The following CES2 variants were observed in gnomAD, a reference collection of about 807,000 sequenced individuals.
CES2 encodes the protein cocaine esterase.
In CES2, 42 loss-of-function variants were observed where a neutral mutation model predicts 52.1. The observed-to-expected ratio is 0.81, with a 90% CI of 0.63 to 1.04. The LOEUF (loss-of-function observed/expected upper bound fraction) is 1.04, where lower values mean the gene tolerates loss of function less well. Among genes scored for constraint, CES2 ranks in the 50% least tolerant of loss-of-function variants. CES2 has a pLI of 0.00. For missense variants in CES2, 656 were observed against 724.3 expected, an observed-to-expected ratio of 0.91 and a Z score of 1.08; for synonymous variants, 277 against 289.6, an observed-to-expected ratio of 0.96 and a Z score of 0.44.
chr16:66,940,336 G>C lies in CES2; in HGVS notation c.538G>C (p.Gly180Arg). Residue 180 changes from glycine to arginine, a missense_variant, in exon 4 of 12, where the codon GGT becomes CGT. Physicochemically the swap from Gly to Arg is moderately radical, Grantham distance 125 (BLOSUM62 -2). Coordinates refer to ENST00000317091, the MANE Select transcript of CES2 (RefSeq NM_001365405.1). The stretch of plus-strand genomic sequence containing the variant: ...GGTGGTCATCATCCAGTACCGCCTG[G>C]GTGTCCTGGGCTTCTTCAGGTGAGA... Reference protein sequence around the residue: ...VVVVIIQYRLGVLGFFSTGDK... With the variant: ...VVVVIIQYRLRVLGFFSTGDK... 1 of 1,614,182 alleles carries C rather than the reference G, an allele frequency of 6.2e-7. No individual in the cohort carries two copies. The highest frequency in any genetic ancestry group is 8.5e-7 in the Non-Finnish European group (1 of 1,180,032).
In CES2 at chr16:66,940,624, G is replaced by A. The variant is rs10852434; in HGVS notation, c.745G>A (p.Gly249Arg). Residue 249 changes from glycine to arginine, a missense_variant, in exon 5 of 12, where the codon GGA (glycine) becomes AGA (arginine). Coordinates refer to ENST00000317091, the MANE Select transcript of CES2 (RefSeq NM_001365405.1). The stretch of plus-strand genomic sequence containing the variant: ...CCCCATATCCCAAGGACTCTTCCAC[G>A]GAGCCATCATGGAGAGTGGCGTGGC... ...VSPISQGLFH[G>R]AIMESGVALL... The A allele has an allele frequency of 1.6e-4, 266 of 1,614,178 alleles. 3 individuals are homozygous for A. The Middle Eastern group carries it at 2.1e-3, about 13-fold the overall frequency.
At position 66,944,409 on chromosome 16, in the gene CES2, A is replaced by G. The variant is rs1269966895; in HGVS notation, c.*384A>G. ...TAAAAAAGATTTTTAAAAAGCAAAG[A>G]AAACAAAATATAAGGGAAAAATATG... is the stretch of plus-strand genomic sequence containing the variant. On this transcript the variant is annotated 3_prime_UTR_variant, in exon 12 of 12. Coordinates refer to ENST00000317091, the MANE Select transcript of CES2 (RefSeq NM_001365405.1). 1.3e-5 allele frequency: 2 copies of G among 159,880 alleles called. No individual in the cohort carries two copies. The highest frequency in any genetic ancestry group is 2.7e-5 in the Non-Finnish European group (2 of 73,476). The allele number at this position is 159,880 out of a possible 1,614,324, so 9.9% of individuals were successfully genotyped here. A position where few individuals can be genotyped will look rare whatever the true frequency, so the allele number is the denominator to read the frequency against.
chr16:66,942,325 G>A, intron 9 of CES2, 76 bp downstream of exon 9: 1 of 1,471,084 alleles, frequency 6.8e-7, no homozygotes. Flanking sequence ...ACCTGCTGCT[G>A]TCCGGGTCAG....
chr16:66,942,603 C>T (rs761543782), intron 9 of CES2, 45 bp from the exon 10 acceptor site: 1 of 1,610,304 alleles, frequency 6.2e-7, no homozygotes, highest in South Asian at 1.1e-5. Flanking sequence ...GGCAAGAAGT[C>T]TTCAGGGGGA....
chr16:66,939,049 C>G lies in CES2; in HGVS notation c.282-168C>G, dbSNP rs541885809. 5.2e-4 allele frequency among the ~76,000 whole-genome samples: 79 copies of G among 152,260 alleles called. No individual in the cohort carries two copies. In the Middle Eastern group the frequency reaches 0.024, roughly 46 times the overall value. On this transcript the variant is annotated intron_variant, in intron 2 of 11. Transcript: ENST00000317091. ...GAAGTCCAAGCTGCATCCCAGCTTCCCCAGAGCCTGTGGCCTGTAACTTGG... is the reference window on the plus strand; with the variant it reads ...GAAGTCCAAGCTGCATCCCAGCTTCGCCAGAGCCTGTGGCCTGTAACTTGG...
chr16:66,943,653 C>G lies in CES2; in HGVS notation c.1494-186C>G. On this transcript the variant is annotated intron_variant, in intron 11 of 11. Coordinates refer to ENST00000317091, the MANE Select transcript of CES2 (RefSeq NM_001365405.1). This position sits in a 1 kb window ranked among gnomAD's most constrained non-coding sequence, Gnocchi z 4.2. The stretch of plus-strand genomic sequence containing the variant: ...AACAGAGCTGGCTGCCCTCCCCCAA[C>G]CCCCACTGGTGCTGACACTAGCCAG... The G allele has an allele frequency of 1.7e-6, 1 of 587,330 alleles. No homozygotes were observed. The highest frequency in any genetic ancestry group is 3.0e-6 in the Non-Finnish European group (1 of 334,866). The allele number at this position is 587,330 out of a possible 1,614,324, so 36.4% of individuals were successfully genotyped here.
chr16:66,935,517 G>A lies in CES2; in HGVS notation c.-119G>A, dbSNP rs1963180011. 6.2e-7 allele frequency: 1 copy of A among 1,614,036 alleles called. No homozygotes were observed. The highest frequency in any genetic ancestry group is 1.1e-5 in the South Asian group (1 of 91,076). On this transcript the variant is annotated 5_prime_UTR_variant, in exon 1 of 12. Coordinates refer to ENST00000317091, the MANE Select transcript of CES2 (RefSeq NM_001365405.1). ...AGCCAGCGCACCCCGCTGACTCCCTGCCCAGTCCAAACTCCAAGGCTGGGC... is the reference window on the plus strand; with the variant it reads ...AGCCAGCGCACCCCGCTGACTCCCTACCCAGTCCAAACTCCAAGGCTGGGC...
chr16:66,938,063 A>G lies in CES2; in HGVS notation c.103A>G (p.Thr35Ala), dbSNP rs1265539851. 2 of 1,614,160 alleles carry G rather than the reference A, an allele frequency of 1.2e-6. No homozygotes were observed. The highest frequency in any genetic ancestry group is 1.7e-6 in the Non-Finnish European group (2 of 1,180,018). ...CCAGGACTCAGCCAGTCCCATCCGGACCACACACACGGGGCAGGTGCTGGG... is the reference window on the plus strand; with the variant it reads ...CCAGGACTCAGCCAGTCCCATCCGGGCCACACACACGGGGCAGGTGCTGGG... ...QGQDSASPIR[T>A]THTGQVLGSL... The change falls in exon 2 of 12, where the codon ACC becomes GCC. Residue 35 changes from threonine (T) to alanine (A), a missense_variant. Coordinates refer to ENST00000317091, the MANE Select transcript of CES2 (RefSeq NM_001365405.1).
Position 66,941,637 on chromosome 16 carries a change from C to T in CES2, c.1047C>T (p.Leu349=), listed in dbSNP as rs1319336148. 6.2e-6 allele frequency: 10 copies of T among 1,613,906 alleles called. No individual in the cohort carries two copies. The highest frequency in any genetic ancestry group is 5.3e-5 in the African/African-American group (4 of 74,906). ...VGVNNNEFGW[L]IPKVMRIYDT... ...TCAACAACAATGAATTCGGCTGGCTCATCCCCAAGGTGAGCCCCAACCCAA... is the reference window on the plus strand; with the variant it reads ...TCAACAACAATGAATTCGGCTGGCTTATCCCCAAGGTGAGCCCCAACCCAA... Residue 349 remains leucine (L), a synonymous_variant, in exon 7 of 12, where the codon CTC becomes CTT. Transcript: ENST00000317091.
chr16:66,940,794 C>A, intron 5 of CES2, 99 bp downstream of exon 5: 1 of 1,428,992 alleles, frequency 7.0e-7, no homozygotes. Context: ...CCATCGGGAG[C>A]ATGCTCCAGG....
Position 66,944,767 on chromosome 16 carries a change from A to G in CES2, c.*742A>G, listed in dbSNP as rs1235035677. ...CTCCGTTTCCAAAAAAATAAGAGAG[A>G]ATAGAAGAAGCTACTGCATGATGTT... On this transcript the variant is annotated 3_prime_UTR_variant, in exon 12 of 12. Transcript: ENST00000317091. 6.6e-6 allele frequency: 1 copy of G among 152,214 alleles called. No individual in the cohort carries two copies. The highest frequency in any genetic ancestry group is 6.5e-5 in the Admixed American group (1 of 15,280). 9.4% of individuals were successfully genotyped at this position (152,214 alleles called of 1,614,324 possible).
rs1821512478 is a variant in CES2, at chr16:66,935,903, C to G, written c.76+192C>G. ...GGGCTCCTAGAAGCACAGAAAGGGT[C>G]GGGCTGGGGGACACCACGGCAAGGA... On this transcript the variant is annotated intron_variant, in intron 1 of 11. Coordinates refer to ENST00000317091, the MANE Select transcript of CES2 (RefSeq NM_001365405.1). 8 of 1,459,588 alleles carry G rather than the reference C, an allele frequency of 5.5e-6. No homozygotes were observed. In the South Asian group the frequency reaches 6.8e-5, roughly 12 times the overall value. 90.4% of individuals were successfully genotyped at this position (1,459,588 alleles called of 1,614,324 possible). A position where few individuals can be genotyped will look rare whatever the true frequency, so the allele number is the denominator to read the frequency against.
rs904979192 is a variant in CES2, at chr16:66,935,557, C to G, written c.-79C>G. 5.1e-5 allele frequency: 82 copies of G among 1,613,966 alleles called. No individual in the cohort carries two copies. The highest frequency in any genetic ancestry group is 6.5e-5 in the Non-Finnish European group (77 of 1,180,054). On this transcript the variant is annotated 5_prime_UTR_variant, in exon 1 of 12. Coordinates refer to ENST00000317091, the MANE Select transcript of CES2 (RefSeq NM_001365405.1). The stretch of plus-strand genomic sequence containing the variant: ...CAAGGCTGGGCAAGGCACTGATCCA[C>G]TGCTGGACAGACCCGGGGCAGCCTC...
At chr16:66,936,934 C>T (rs1265980864) in intron 1 of CES2, among the ~76,000 whole-genome samples, 7 of 150,930 alleles carry the variant, frequency 4.6e-5, no homozygotes, top group Non-Finnish European at 1.0e-4. Context: ...GTTATCCCAG[C>T]ACTTTGAGAG....
intron 2 of CES2, among the ~76,000 whole-genome samples, chr16:66,938,722 C>CTTGTAT (rs1963276206): frequency 6.6e-6 from 1 of 152,096 alleles, no homozygotes; most frequent in African/African-American, 2.4e-5. Context: ...GGCCAAGAGA[C>CTTGTAT]ATGTATATGT....
Position 66,943,537 on chromosome 16 carries a change from C to A in CES2, c.1493+166C>A. 1 of 689,586 alleles carries A rather than the reference C, an allele frequency of 1.5e-6. No individual in the cohort carries two copies. The highest frequency in any genetic ancestry group is 2.5e-6 in the Non-Finnish European group (1 of 404,148). 42.7% of individuals were successfully genotyped at this position (689,586 alleles called of 1,614,324 possible). On this transcript the variant is annotated intron_variant, in intron 11 of 11. Coordinates refer to ENST00000317091, the MANE Select transcript of CES2 (RefSeq NM_001365405.1). This position sits in a 1 kb window ranked among gnomAD's most constrained non-coding sequence, Gnocchi z 4.2. The stretch of plus-strand genomic sequence containing the variant: ...TCAGACAGGGTGGGGGTGCGTGGGG[C>A]AGTGGACACGCTCTATCTCTCCAGT...
rs1200716808 is a variant in CES2 at position 66,941,127 on chromosome 16, G to T, written c.820G>T (p.Val274Leu). Residue 274 changes from valine to leucine, a missense_variant, in exon 6 of 12, where the codon GTG (valine) becomes TTG (leucine). Transcript: ENST00000317091. ...CCCCTGCCTGGTCCCTTTACAGGTG[G>T]TGGCCAACCTGTCTGCCTGTGACCA... ...ASSADVISTV[V>L]ANLSACDQVD... The T allele has an allele frequency of 1.9e-6, 3 of 1,613,934 alleles. No homozygotes were observed. The highest frequency in any genetic ancestry group is 1.1e-5 in the South Asian group (1 of 91,066).
chr16:66,936,173 G>A (rs1161087823), intron 1 of CES2, among the ~76,000 whole-genome samples: 4 of 152,180 alleles, frequency 2.6e-5, no homozygotes, highest in Non-Finnish European at 4.4e-5. Context: ...CTCAGACAAG[G>A]ATAGTGGTCC....
At position 66,938,092 on chromosome 16, in the gene CES2, T is replaced by A. The variant is rs778688932; in HGVS notation, c.132T>A (p.Ser44Arg). The stretch of plus-strand genomic sequence containing the variant: ...CACACACGGGGCAGGTGCTGGGGAG[T>A]CTTGTCCATGTGAAGGGCGCCAATG... ...RTTHTGQVLGSLVHVKGANAG... is the reference protein window; with the variant it reads ...RTTHTGQVLGRLVHVKGANAG... The change falls in exon 2 of 12, where the codon AGT (serine) becomes AGA (arginine). Residue 44 changes from serine (S) to arginine (R), a missense_variant. By Grantham distance (110) the Ser-to-Arg change is moderately radical. Transcript: ENST00000317091. 1.7e-5 allele frequency: 27 copies of A among 1,613,478 alleles called. No individual in the cohort carries two copies. The highest frequency in any genetic ancestry group is 2.2e-5 in the Non-Finnish European group (26 of 1,179,886).
Sources: allele counts gnomAD v4.1 joint callset (sites outside exome capture counted in the v4.1 genomes callset), GRCh38; gene constraint gnomAD v4.1.1; non-coding constraint Gnocchi (gnomAD v3.1); transcripts MANE v1.5; gene names NCBI Gene and HGNC (gene_info 2026-07-23, HGNC 2026-07-21).